The following CDK14 variants were observed in gnomAD, a reference collection of about 807,000 sequenced individuals.
CDK14 encodes cyclin dependent kinase 14.
In CDK14, 34 loss-of-function variants were observed where a neutral mutation model predicts 60.7. The observed-to-expected ratio is 0.56, with a 90% CI of 0.43 to 0.75. The LOEUF is 0.75. Among genes scored for constraint, CDK14 ranks in the 30% least tolerant of loss-of-function variants. CDK14 has a pLI of 0.00. For missense variants in CDK14, 482 were observed against 564.1 expected (o/e 0.85, Z 1.47); for synonymous variants, 197 against 203.7 (o/e 0.97, Z 0.28).
At chr7:90,608,070 T>A (rs931317648) in intron 2 of CDK14, among the ~76,000 whole-genome samples, 1 of 152,180 alleles carries the variant, frequency 6.6e-6, no homozygotes, top group Non-Finnish European at 1.5e-5. Flanking sequence ...GTGGACATAA[T>A]GTTTCTAGTG....
In CDK14 at chr7:90,668,711, T is replaced by A. The variant is rs1443437237; in HGVS notation, c.124-57856T>A. On this transcript the variant is annotated intron_variant, in intron 2 of 14. Coordinates refer to ENST00000380050, the MANE Select transcript of CDK14 (RefSeq NM_001287135.2). ...AAGGACTCGCATTCTTTTTTTTTTT[T>A]TTTTTTTTTTTTTTTCAACTGGGGC... Among the ~76,000 whole-genome samples the A allele has an allele frequency of 1.5e-4, 21 of 138,136 alleles. No individual in the cohort carries two copies. In the East Asian group the frequency reaches 2.0e-3, roughly 13 times the overall value. The allele number at this position is 138,136 out of a possible 152,430, so 90.6% of individuals were successfully genotyped here.
intron 14 of CDK14, among the ~76,000 whole-genome samples, chr7:91,142,083 C>T (rs966229763): frequency 4.0e-5 from 6 of 150,432 alleles, no homozygotes; most frequent in Admixed American, 6.6e-5. Context: ...CTGGGCCTCC[C>T]ATAGTGCTGG....
intron 12 of CDK14, among the ~76,000 whole-genome samples, chr7:91,080,627 T>A (rs2116226384): frequency 6.6e-6 from 1 of 152,324 alleles, no homozygotes; most frequent in South Asian, 2.1e-4. Flanking sequence ...ATATTTTAAT[T>A]AAGTGCTTTT....
intron 5 of CDK14, among the ~76,000 whole-genome samples, chr7:90,844,464 T>C (rs1268455516): frequency 6.6e-6 from 1 of 152,224 alleles, no homozygotes; most frequent in African/African-American, 2.4e-5. Flanking sequence ...AGTCATGAGG[T>C]AGGACTTCTA....
At chr7:90,683,196 C>T (rs1169316503) in intron 2 of CDK14, among the ~76,000 whole-genome samples, 1 of 152,144 alleles carries the variant, frequency 6.6e-6, no homozygotes, top group East Asian at 1.9e-4. Flanking sequence ...GGCCTTCTCA[C>T]GTGCAAGATC....
At chr7:90,612,164 A>C (rs1483653517) in intron 2 of CDK14, among the ~76,000 whole-genome samples, 1 of 152,066 alleles carries the variant, frequency 6.6e-6, no homozygotes, top group African/African-American at 2.4e-5. Flanking sequence ...TCGTGACTTC[A>C]TTATCATTGC....
At chr7:90,941,533 C>A (rs889331662) in intron 8 of CDK14, among the ~76,000 whole-genome samples, 4 of 152,086 alleles carry the variant, frequency 2.6e-5, no homozygotes, top group African/African-American at 7.2e-5. Context: ...TAGCTCACTG[C>A]AGCCTTATAT....
chr7:90,812,626 A>T (rs1562782261), intron 5 of CDK14, among the ~76,000 whole-genome samples: 2 of 152,170 alleles, frequency 1.3e-5, no homozygotes, highest in Admixed American at 1.3e-4. Flanking sequence ...ATAATAATAA[A>T]AAAAGAAATA....
intron 2 of CDK14, among the ~76,000 whole-genome samples, chr7:90,704,686 A>G (rs554428148): frequency 1.5e-3 from 226 of 152,310 alleles, no homozygotes; most frequent in African/African-American, 5.1e-3. Context: ...TCAAAGTTGT[A>G]TAATATTAGG....
At chr7:91,181,601 T>C (rs1312798493) in intron 14 of CDK14, among the ~76,000 whole-genome samples, 1 of 152,192 alleles carries the variant, frequency 6.6e-6, no homozygotes, top group East Asian at 1.9e-4. Context: ...TTATGTTATT[T>C]TGTTGCCCTG....
chr7:91,150,961 C>T (rs1800812940), intron 14 of CDK14, among the ~76,000 whole-genome samples: 2 of 152,110 alleles, frequency 1.3e-5, no homozygotes, highest in Admixed American at 1.3e-4. Context: ...TTATTTGCCT[C>T]ATTAATGCAT....
At chr7:91,134,952 T>C (rs1255328998) in intron 14 of CDK14, among the ~76,000 whole-genome samples, 2 of 152,184 alleles carry the variant, frequency 1.3e-5, no homozygotes, top group Non-Finnish European at 2.9e-5. Context: ...CTGAACCAGC[T>C]TATTAAATTG....
intron 14 of CDK14, among the ~76,000 whole-genome samples, chr7:91,120,946 G>A (rs1799765965): frequency 6.6e-6 from 1 of 152,114 alleles, no homozygotes; most frequent in Non-Finnish European, 1.5e-5. Context: ...AAAGCTACAG[G>A]GAAGATGGAT....
chr7:91,168,154 C>T (rs139138536), intron 14 of CDK14, among the ~76,000 whole-genome samples: 47 of 151,204 alleles, frequency 3.1e-4, no homozygotes, highest in Middle Eastern at 3.5e-3. Flanking sequence ...CCCAGCTACT[C>T]GGGATACTGA....
intron 2 of CDK14, among the ~76,000 whole-genome samples, chr7:90,638,331 G>T (rs1224792973): frequency 6.6e-6 from 1 of 152,096 alleles, no homozygotes; most frequent in African/African-American, 2.4e-5. Context: ...GCCTGGTGGT[G>T]ACAAAATCTC....
At chr7:91,092,610 C>A (rs1011657949) in intron 12 of CDK14, among the ~76,000 whole-genome samples, 23 of 152,182 alleles carry the variant, frequency 1.5e-4, no homozygotes, top group African/African-American at 5.3e-4. Context: ...AATGTAGCAA[C>A]TGTTTCTGTG....
chr7:90,894,968 G>A (rs996957631), intron 6 of CDK14, among the ~76,000 whole-genome samples: 12 of 152,050 alleles, frequency 7.9e-5, no homozygotes, highest in African/African-American at 2.9e-4. Context: ...ATACATCTGT[G>A]ACTGTGATCA....
chr7:90,899,502 A>G (rs1447195692), intron 7 of CDK14, 149 bp downstream of exon 7: 1 of 485,048 alleles, frequency 2.1e-6, no homozygotes, highest in Non-Finnish European at 3.6e-6. Context: ...TCATTGCTTC[A>G]GTTGAGTTGT....
intron 2 of CDK14, chr7:90,726,288 A>G (rs1802629490): frequency 2.0e-6 from 2 of 983,794 alleles, no homozygotes; most frequent in Non-Finnish European, 1.2e-6. Context: ...ACAGAGTTCA[A>G]GAATCATGTT....
Sources: allele counts gnomAD v4.1 joint callset (sites outside exome capture counted in the v4.1 genomes callset), GRCh38; gene constraint gnomAD v4.1.1; transcripts MANE v1.5; gene names NCBI Gene and HGNC (gene_info 2026-07-23, HGNC 2026-07-21).